Variants in ZNRF1 observed in about 807,000 individuals in gnomAD.
ZNRF1 encodes the protein zinc and ring finger 1, also known as E3 ubiquitin-protein ligase ZNRF1.
In ZNRF1, 3 loss-of-function variants were observed where a neutral mutation model predicts 18.4. The observed-to-expected ratio is 0.16, with a 90% CI of 0.07 to 0.42. The LOEUF is 0.42. Ranked by LOEUF, ZNRF1 falls within the 10% of genes least tolerant of loss-of-function variation. The pLI is 0.99. For synonymous variants in ZNRF1, 157 were observed against 144.2 expected (o/e 1.09, Z -0.64); for missense variants, 310 against 329.8 (o/e 0.94, Z 0.47).
chr16:75,055,887 G>A (rs1597884377), intron 1 of ZNRF1, among the ~76,000 whole-genome samples: 1 of 152,308 alleles, frequency 6.6e-6, no homozygotes, highest in East Asian at 1.9e-4. Context: ...AGGACCAAGA[G>A]GGTCTTCTAA....
intron 1 of ZNRF1, among the ~76,000 whole-genome samples, chr16:75,061,755 C>A (rs1367455835): frequency 6.6e-6 from 1 of 152,236 alleles, no homozygotes; most frequent in African/African-American, 2.4e-5. Flanking sequence ...TTGATCCCTA[C>A]ACCACAGTAT....
chr16:75,004,314 A>G (rs555666195), intron 1 of ZNRF1, among the ~76,000 whole-genome samples: 9 of 152,288 alleles, frequency 5.9e-5, no homozygotes, highest in South Asian at 2.1e-4. Flanking sequence ...AAGTTTTGCT[A>G]TAACTCCTGA....
Position 75,110,930 on chromosome 16 carries a change from C to T in ZNRF1, c.*3230C>T, listed in dbSNP as rs1278539515. On this transcript the variant is annotated 3_prime_UTR_variant, in exon 5 of 5. Coordinates refer to ENST00000335325, the MANE Select transcript of ZNRF1 (RefSeq NM_032268.5). ...GGCTGAGATTTGTCACCAGTGAGCC[C>T]TTGGCACGGTCTCTGCTCCCCACCA... 1.3e-5 allele frequency: 2 copies of T among 151,746 alleles called. No homozygotes were observed. Among genetic ancestry groups the T allele is most frequent in the Non-Finnish European group, 1.5e-5 (1 of 68,016 alleles). The allele number at this position is 151,746 out of a possible 1,614,324, so 9.4% of individuals were successfully genotyped here.
At chr16:75,086,798 C>T (rs2036080223) in intron 1 of ZNRF1, among the ~76,000 whole-genome samples, 1 of 152,154 alleles carries the variant, frequency 6.6e-6, no homozygotes, top group Admixed American at 6.5e-5. Flanking sequence ...CAAGAGTTAC[C>T]CTCATCTACC....
intron 1 of ZNRF1, among the ~76,000 whole-genome samples, chr16:75,036,577 T>TTC (rs2035378832): frequency 6.6e-6 from 1 of 152,062 alleles, no homozygotes; most frequent in Admixed American, 6.6e-5. Flanking sequence ...TCTTTTTTTT[T>TTC]TTTTTTCCCT....
chr16:75,095,846 G>A lies in ZNRF1; in HGVS notation c.520+2179G>A. On this transcript the variant is annotated intron_variant, in intron 2 of 4. Transcript: ENST00000335325. ...TATCAGCACTTGAGTGCCTGGCGCT[G>A]TTGGTTTACCCCCCTACACCCCACC... 4.1e-6 allele frequency: 5 copies of A among 1,229,462 alleles called. No individual in the cohort carries two copies. The South Asian group carries it at 1.0e-4, about 26-fold the overall frequency. 76.2% of individuals were successfully genotyped at this position (1,229,462 alleles called of 1,614,324 possible). A position where few individuals can be genotyped will look rare whatever the true frequency, so the allele number is the denominator to read the frequency against.
intron 1 of ZNRF1, chr16:75,000,323 G>A (rs1447359783): frequency 1.4e-6 from 1 of 717,650 alleles, no homozygotes; most frequent in South Asian, 1.5e-5. Context: ...GTTCACTTGT[G>A]GAAGGGCAGA....
intron 1 of ZNRF1, among the ~76,000 whole-genome samples, chr16:75,023,454 T>A (rs2035180199): frequency 6.6e-6 from 1 of 152,090 alleles, no homozygotes; most frequent in Non-Finnish European, 1.5e-5. Flanking sequence ...GAGGCCAAGG[T>A]GGATGGATCA....
At chr16:75,053,716 A>T (rs145486276) in intron 1 of ZNRF1, among the ~76,000 whole-genome samples, 22 of 152,352 alleles carry the variant, frequency 1.4e-4, no homozygotes, top group African/African-American at 5.1e-4. Context: ...CCTATTAAAT[A>T]AGCAGAGTGG....
chr16:75,099,106 C>G (rs967116394), intron 2 of ZNRF1, among the ~76,000 whole-genome samples: 1 of 152,148 alleles, frequency 6.6e-6, no homozygotes, highest in African/African-American at 2.4e-5. Context: ...GGAAGACACC[C>G]TTATGGCCTG....
intron 1 of ZNRF1, among the ~76,000 whole-genome samples, chr16:75,053,678 A>G (rs1019081053): frequency 1.3e-5 from 2 of 152,024 alleles, no homozygotes; most frequent in African/African-American, 4.8e-5. Context: ...CCCATGATAG[A>G]TGTGCCCCAT....
chr16:75,039,494 G>A (rs1341050171), intron 1 of ZNRF1, among the ~76,000 whole-genome samples: 5 of 152,184 alleles, frequency 3.3e-5, no homozygotes, highest in Non-Finnish European at 5.9e-5. Context: ...AATGGTATAC[G>A]AGAGTGTTGT....
chr16:75,104,490 T>C, intron 2 of ZNRF1: 2 of 256,896 alleles, frequency 7.8e-6, no homozygotes, highest in South Asian at 1.0e-4. Context: ...TGCCCCTGCT[T>C]CCTGTCTACC....
At chr16:75,062,370 G>A (rs2035754663) in intron 1 of ZNRF1, among the ~76,000 whole-genome samples, 1 of 152,266 alleles carries the variant, frequency 6.6e-6, no homozygotes, top group South Asian at 2.1e-4. Context: ...TCCATCGACA[G>A]TGGCTCATGG....
intron 1 of ZNRF1, among the ~76,000 whole-genome samples, chr16:75,017,355 T>C (rs538124601): frequency 6.6e-6 from 1 of 152,280 alleles, no homozygotes; most frequent in African/African-American, 2.4e-5. Flanking sequence ...GATATAAAAA[T>C]AAAAATTTTA....
chr16:75,071,974 G>C (rs2035876196), intron 1 of ZNRF1, among the ~76,000 whole-genome samples: 1 of 151,962 alleles, frequency 6.6e-6, no homozygotes, highest in African/African-American at 2.4e-5. Context: ...TTTGAGATAA[G>C]GTCTTTCCAG....
chr16:75,062,812 A>C (rs1221942190), intron 1 of ZNRF1, among the ~76,000 whole-genome samples: 1 of 152,250 alleles, frequency 6.6e-6, no homozygotes, highest in Non-Finnish European at 1.5e-5. Context: ...CTGTGTGTGA[A>C]TAGCAAGTAC....
rs199600454 is a variant in ZNRF1, at chr16:75,044,120, AC to A, written c.424+44026del. On this transcript the variant is annotated intron_variant, in intron 1 of 4. Transcript: ENST00000335325. Reference sequence around the variant, plus strand: ...GAGCCACCATGCCCAGCTGCTTTGTACTTTTAAAATGTGATCTTGACTTTCA... The same window carrying A: ...GAGCCACCATGCCCAGCTGCTTTGTATTTTAAAATGTGATCTTGACTTTCA... 9.2e-4 allele frequency among the ~76,000 whole-genome samples: 138 copies of A among 149,232 alleles called. 3 individuals are homozygous for A. In the East Asian group the frequency reaches 0.028, roughly 30 times the overall value.
At chr16:75,028,935 C>G (rs1343177590) in intron 1 of ZNRF1, among the ~76,000 whole-genome samples, 5 of 152,198 alleles carry the variant, frequency 3.3e-5, no homozygotes, top group Non-Finnish European at 7.3e-5. Context: ...CTTTATCTCT[C>G]TACCTCAAAT....
Sources: gnomAD v4.1 joint callset for allele counts (sites outside exome capture counted in the v4.1 genomes callset) on GRCh38, gnomAD v4.1.1 for gene constraint, MANE v1.5 for transcripts, NCBI Gene and HGNC (gene_info 2026-07-23, HGNC 2026-07-21) for gene names.